MTDH: variants seen among roughly 807,000 people sequenced by gnomAD.
The protein encoded by MTDH is metadherin.
A neutral mutation model predicts 72.7 loss-of-function variants in MTDH; 34 were observed. That is an observed-to-expected ratio of 0.47 (90% CI 0.36 to 0.62). The LOEUF (loss-of-function observed/expected upper bound fraction) is 0.62. Among genes scored for constraint, MTDH ranks in the 20% least tolerant of loss-of-function variants. MTDH has a pLI of 0.00. For missense variants in MTDH, 677 were observed against 699.4 expected (o/e 0.97, Z 0.36); for synonymous variants, 266 against 268.9 (o/e 0.99, Z 0.10).
At position 97,691,007 on chromosome 8, in the gene MTDH, G is replaced by C. The variant is rs1248880611; in HGVS notation, c.867G>C (p.Lys289Asn). 1.9e-6 allele frequency: 3 copies of C among 1,614,040 alleles called. No individual in the cohort carries two copies. Among genetic ancestry groups the C allele is most frequent in the Non-Finnish European group, 2.5e-6 (3 of 1,179,946 alleles). ...LTVNGGGWNE[K>N]SVKLSSQISA... ...TCAATGGAGGAGGCTGGAATGAAAAGTCTGTAAAACTCTCCTCACAGATCA... is the reference window on the plus strand; with the variant it reads ...TCAATGGAGGAGGCTGGAATGAAAACTCTGTAAAACTCTCCTCACAGATCA... Residue 289 changes from lysine to asparagine, a missense_variant, in exon 6 of 12, where the codon AAG becomes AAC. Transcript: ENST00000336273.
At position 97,647,794 on chromosome 8, in the gene MTDH, T is replaced by C. The variant is rs368263782; in HGVS notation, c.381+2907T>C. ...TCACTTTGAATGCTTGTGGAAATGC[T>C]TGGGCCAGGCACAGTGGCTTATGCC... On this transcript the variant is annotated intron_variant, in intron 1 of 11. Transcript: ENST00000336273. Among the ~76,000 whole-genome samples, 43 of 152,234 alleles carry C rather than the reference T, an allele frequency of 2.8e-4. No individual in the cohort carries two copies. The East Asian group carries it at 4.1e-3, about 14-fold the overall frequency.
intron 2 of MTDH, among the ~76,000 whole-genome samples, chr8:97,670,622 CAAAAT>C (rs2130955806): frequency 6.6e-6 from 1 of 151,982 alleles, no homozygotes; most frequent in East Asian, 1.9e-4. Context: ...GACTCCGTCT[CAAAAT>C]AAAATAAAAA....
intron 1 of MTDH, among the ~76,000 whole-genome samples, chr8:97,646,958 A>G (rs530447873): frequency 5.6e-4 from 86 of 152,230 alleles, no homozygotes; most frequent in Non-Finnish European, 1.1e-3. Context: ...TTACACACAT[A>G]AAACTGTTCT....
intron 9 of MTDH, among the ~76,000 whole-genome samples, chr8:97,715,924 A>T (rs1406683741): frequency 6.6e-6 from 1 of 152,210 alleles, no homozygotes; most frequent in East Asian, 1.9e-4. Flanking sequence ...CTGTGTTTTT[A>T]AAAATATAAT....
At position 97,666,251 on chromosome 8, in the gene MTDH, T is replaced by C. The variant is rs942693226; in HGVS notation, c.483+5078T>C. 1.1e-4 allele frequency among the ~76,000 whole-genome samples: 17 copies of C among 152,324 alleles called. 1 individual carries two copies. The South Asian group carries it at 3.5e-3, about 32-fold the overall frequency. On this transcript the variant is annotated intron_variant, in intron 2 of 11. Transcript: ENST00000336273. ...CAAGTTGTTAGGATGAAGTCAGCGATATCCACTAAACCCTGATATCATTTA... is the reference window on the plus strand; with the variant it reads ...CAAGTTGTTAGGATGAAGTCAGCGACATCCACTAAACCCTGATATCATTTA...
At chr8:97,691,270 A>AG in intron 6 of MTDH, 82 bp downstream of exon 6, 3 of 995,228 alleles carry the variant, frequency 3.0e-6, no homozygotes. Context: ...AGAAAAAAAA[A>AG]CTATGAATAG....
chr8:97,707,600 G>T (rs1283547784), intron 8 of MTDH, among the ~76,000 whole-genome samples: 1 of 151,818 alleles, frequency 6.6e-6, no homozygotes, highest in African/African-American at 2.4e-5. Context: ...CATACATTCT[G>T]ATACAGCTAG....
At chr8:97,677,934 C>T (rs1746723802) in intron 2 of MTDH, among the ~76,000 whole-genome samples, 1 of 152,112 alleles carries the variant, frequency 6.6e-6, no homozygotes, top group Non-Finnish European at 1.5e-5. Flanking sequence ...AACACTTGTT[C>T]CTCTGCCATG....
rs547386317 is a variant in MTDH, at chr8:97,726,053, A to G, written c.*1383A>G. On this transcript the variant is annotated 3_prime_UTR_variant, in exon 12 of 12. Transcript: ENST00000336273. The stretch of plus-strand genomic sequence containing the variant: ...CAGCTGTAACCAATGGTACTGATCT[A>G]TCCATCCAATGTTGTCATTATATTT... 4.6e-5 allele frequency: 7 copies of G among 152,768 alleles called. No individual in the cohort carries two copies. Among genetic ancestry groups the G allele is most frequent in the African/African-American group, 9.6e-5 (4 of 41,598 alleles). 9.5% of individuals were successfully genotyped at this position (152,768 alleles called of 1,614,324 possible).
At chr8:97,651,431 A>G (rs1811768152) in intron 1 of MTDH, among the ~76,000 whole-genome samples, 1 of 152,224 alleles carries the variant, frequency 6.6e-6, no homozygotes, top group African/African-American at 2.4e-5. Context: ...ACTAACAAAA[A>G]GCACCCAAAA....
intron 8 of MTDH, among the ~76,000 whole-genome samples, chr8:97,711,544 T>A (rs1814636899): frequency 6.6e-6 from 1 of 151,940 alleles, no homozygotes; most frequent in South Asian, 2.1e-4. Flanking sequence ...GTACCCCTTT[T>A]ACCCAGTTTT....
At position 97,677,490 on chromosome 8, in the gene MTDH, C is replaced by CAAA. The variant is rs934211630; in HGVS notation, c.484-9166_484-9164dup. ...TGGGCGACAGAGCGAGACTCCATCT[C>CAAA]AAAAAAAAAAAAAAGAAAGAAAGAA... On this transcript the variant is annotated intron_variant, in intron 2 of 11. Transcript: ENST00000336273. Among the ~76,000 whole-genome samples, 3 of 77,186 alleles carry CAAA rather than the reference C, an allele frequency of 3.9e-5. No homozygotes were observed. In the South Asian group the frequency reaches 1.2e-3, roughly 32 times the overall value. The allele number at this position is 77,186 out of a possible 152,430, so 50.6% of individuals were successfully genotyped here.
intron 2 of MTDH, among the ~76,000 whole-genome samples, chr8:97,675,586 T>G (rs1172489335): frequency 7.3e-6 from 1 of 137,524 alleles, no homozygotes; most frequent in Non-Finnish European, 1.6e-5. Context: ...AAAATTACAT[T>G]CAGGGCCAGG....
chr8:97,691,119 G>A lies in MTDH; in HGVS notation c.979G>A (p.Gly327Arg). The change falls in exon 6 of 12, where the codon GGA becomes AGA. Residue 327 changes from glycine to arginine, a missense_variant. This residue lies in a region of MTDH where 467 missense variants were observed against 469.1 expected (regional missense o/e 1.00). Coordinates refer to ENST00000336273, the MANE Select transcript of MTDH (RefSeq NM_178812.4). ...TEPSAWSQDT[G>R]DANTNGKDWG... is the part of the protein sequence containing the mutation. The stretch of plus-strand genomic sequence containing the variant: ...GCCATCTGCCTGGAGTCAAGACACT[G>A]GAGATGCTAATACAAATGGAAAAGA... 1 of 1,614,112 alleles carries A rather than the reference G, an allele frequency of 6.2e-7. No individual in the cohort carries two copies. Among genetic ancestry groups the A allele is most frequent in the Non-Finnish European group, 8.5e-7 (1 of 1,179,998 alleles).
chr8:97,708,038 AGCTCACTGCAATCTCT>A (rs1426541377), intron 8 of MTDH, among the ~76,000 whole-genome samples: 1 of 151,214 alleles, frequency 6.6e-6, no homozygotes, highest in African/African-American at 2.4e-5. Flanking sequence ...ATGCAATCTC[AGCTCACTGCAATCTCT>A]GCCTCCTGAG....
intron 10 of MTDH, among the ~76,000 whole-genome samples, chr8:97,720,646 CTTTT>C (rs34801268): frequency 1.6e-5 from 2 of 126,536 alleles, no homozygotes. Flanking sequence ...GTCTATTTGA[CTTTT>C]TTTTTTTTTT....
intron 7 of MTDH, among the ~76,000 whole-genome samples, chr8:97,701,814 T>C (rs1190809067): frequency 2.0e-5 from 3 of 152,164 alleles, no homozygotes; most frequent in African/African-American, 7.2e-5. Flanking sequence ...ACTTTGAATA[T>C]GAAAAACATG....
At chr8:97,661,806 G>A (rs1812180432) in intron 2 of MTDH, among the ~76,000 whole-genome samples, 1 of 151,816 alleles carries the variant, frequency 6.6e-6, no homozygotes, top group South Asian at 2.1e-4. Context: ...AGCCAGGTGT[G>A]GTGGTACGCA....
At chr8:97,710,719 G>T (rs1181076968) in intron 8 of MTDH, among the ~76,000 whole-genome samples, 35 of 148,470 alleles carry the variant, frequency 2.4e-4, no homozygotes, top group African/African-American at 8.0e-4. Flanking sequence ...AATAGATAAG[G>T]CCGGGCGCGG....
Sources: gnomAD v4.1 joint callset for allele counts (sites outside exome capture counted in the v4.1 genomes callset) on GRCh38, gnomAD v4.1.1 for gene constraint, gnomAD v4.1.1 regional missense constraint, MANE v1.5 for transcripts, NCBI Gene and HGNC (gene_info 2026-07-23, HGNC 2026-07-21) for gene names.